The following ANXA10 variants were observed in gnomAD, a reference collection of about 807,000 sequenced individuals.
ANXA10 encodes annexin A10, also known as annexin 14.
A neutral mutation model predicts 53.5 loss-of-function variants in ANXA10; 49 were observed. The ratio of observed to expected loss-of-function variants is 0.92; its 90% CI spans 0.73 to 1.16. ANXA10 has a LOEUF of 1.16. ANXA10 is among the 50% of genes most tolerant of loss of function. The pLI is 0.00. For missense variants in ANXA10, 393 were observed against 394.4 expected (o/e 1.00, Z 0.03); for synonymous variants, 131 against 128.9 (o/e 1.02, Z -0.11).
At chr4:168,133,114 T>A (rs1423012257) in intron 2 of ANXA10, among the ~76,000 whole-genome samples, 2 of 152,084 alleles carry the variant, frequency 1.3e-5, no homozygotes, top group Admixed American at 6.6e-5. Context: ...CAATTTTGCA[T>A]TTTTATGCTT....
chr4:168,156,191 T>TATATATATATA (rs1321738757), intron 3 of ANXA10, among the ~76,000 whole-genome samples: 33 of 28,914 alleles, frequency 1.1e-3, no homozygotes, highest in African/African-American at 4.9e-3. Flanking sequence ...TATTATATAT[T>TATATATATATA]ATATATAATA....
chr4:168,141,403 C>A (rs966833546), intron 3 of ANXA10, among the ~76,000 whole-genome samples: 1 of 152,186 alleles, frequency 6.6e-6, no homozygotes, highest in African/African-American at 2.4e-5. Context: ...TGCTGAAATT[C>A]CTAAATGGTC....
At chr4:168,132,487 G>T (rs924515582) in intron 2 of ANXA10, among the ~76,000 whole-genome samples, 1 of 152,068 alleles carries the variant, frequency 6.6e-6, no homozygotes, top group African/African-American at 2.4e-5. Flanking sequence ...GAAGGGTAGC[G>T]GAGGGCTGCT....
intron 2 of ANXA10, among the ~76,000 whole-genome samples, chr4:168,136,951 C>CGT (rs1414262506): frequency 6.6e-6 from 1 of 152,226 alleles, no homozygotes; most frequent in Non-Finnish European, 1.5e-5. Context: ...AACCTCAACT[C>CGT]TTGCTGTCCA....
chr4:168,186,542 C>G (rs1732374054), intron 11 of ANXA10, among the ~76,000 whole-genome samples: 1 of 152,136 alleles, frequency 6.6e-6, no homozygotes, highest in African/African-American at 2.4e-5. Context: ...GCCATGTGAG[C>G]TTAGAATGAG....
intron 3 of ANXA10, among the ~76,000 whole-genome samples, chr4:168,155,270 C>T (rs1046201308): frequency 7.2e-6 from 1 of 138,820 alleles, no homozygotes; most frequent in Non-Finnish European, 1.5e-5. Flanking sequence ...AGTTTCAAAG[C>T]CTTGCCCTTA....
At position 168,139,540 on chromosome 4, in the gene ANXA10, G is replaced by A. The variant is rs139179329; in HGVS notation, c.155G>A (p.Arg52Lys). ...NILTQRCNAQ[R>K]MMIAEAYQSM... is the part of the protein sequence containing the mutation. Reference sequence around the variant, plus strand: ...CTGACTCAGCGCTGCAATGCACAAAGGATGATGATTGCAGAGGCATACCAG... The same window carrying A: ...CTGACTCAGCGCTGCAATGCACAAAAGATGATGATTGCAGAGGCATACCAG... Residue 52 changes from arginine to lysine, a missense_variant, in exon 3 of 12, where the codon AGG becomes AAG. Coordinates refer to ENST00000359299, the MANE Select transcript of ANXA10 (RefSeq NM_007193.5). 2 of 1,613,058 alleles carry A rather than the reference G, an allele frequency of 1.2e-6. No individual in the cohort carries two copies. Among genetic ancestry groups the A allele is most frequent in the Non-Finnish European group, 1.7e-6 (2 of 1,179,216 alleles).
chr4:168,135,963 C>T (rs370455244), intron 2 of ANXA10, among the ~76,000 whole-genome samples: 2 of 152,212 alleles, frequency 1.3e-5, no homozygotes, highest in African/African-American at 4.8e-5. Context: ...CTGGGGAGAC[C>T]TCAGGAAACT....
At chr4:168,163,587 TGATTA>T (rs1229443982) in intron 4 of ANXA10, among the ~76,000 whole-genome samples, 1 of 152,226 alleles carries the variant, frequency 6.6e-6, no homozygotes, top group Non-Finnish European at 1.5e-5. Flanking sequence ...GTTGCTGTTT[TGATTA>T]AACAAGTGTG....
At chr4:168,167,560 G>C (rs1344126913) in intron 6 of ANXA10, among the ~76,000 whole-genome samples, 3 of 152,144 alleles carry the variant, frequency 2.0e-5, no homozygotes, top group Admixed American at 2.0e-4. Context: ...TTTCATAGCA[G>C]CTCAACTTTG....
chr4:168,150,105 G>A (rs574114064), intron 3 of ANXA10, among the ~76,000 whole-genome samples: 1 of 151,984 alleles, frequency 6.6e-6, no homozygotes, highest in Non-Finnish European at 1.5e-5. Context: ...TTATCTTCTG[G>A]TTTTCATTTT....
In ANXA10 at chr4:168,165,294, C is replaced by A. The variant is rs1427585004; in HGVS notation, c.448C>A (p.His150Asn). 1 of 1,590,806 alleles carries A rather than the reference C, an allele frequency of 6.3e-7. No homozygotes were observed. The highest frequency in any genetic ancestry group is 8.6e-7 in the Non-Finnish European group (1 of 1,165,672). Residue 150 changes from histidine to asparagine, a missense_variant, in exon 6 of 12, where the codon CAC becomes AAC. Transcript: ENST00000359299. ...GGACATTTATTCAGAGACCTCAGGA[C>A]ACTTCAGAGATACTCTCATGAACTT... ...QEDIYSETSG[H>N]FRDTLMNLVQ... is the part of the protein sequence containing the mutation.
Position 168,162,596 on chromosome 4 carries a change from CCCA to C in ANXA10, c.272_274del (p.Pro91del). ...AAGATGTGATGGCTGGCCTCATGTA[CCCA>C]CCACCACTGTATGATGCTCATGAGC... On this transcript the variant is annotated inframe_deletion, in exon 4 of 12. Coordinates refer to ENST00000359299, the MANE Select transcript of ANXA10 (RefSeq NM_007193.5). The C allele has an allele frequency of 2.5e-6, 4 of 1,613,930 alleles. No homozygotes were observed. Among genetic ancestry groups the C allele is most frequent in the Middle Eastern group, 1.6e-4 (1 of 6,062 alleles).
chr4:168,177,948 T>C lies in ANXA10; in HGVS notation c.593T>C (p.Ile198Thr). Residue 198 changes from isoleucine to threonine, a missense_variant, in exon 8 of 12, where the codon ATC (isoleucine) becomes ACC (threonine). Physicochemically the swap from Ile to Thr is moderately conservative, Grantham distance 89. Coordinates refer to ENST00000359299, the MANE Select transcript of ANXA10 (RefSeq NM_007193.5). ...GAGCACAAAACCATGCTGCAAATGA[T>C]CCTGTGCAACAAGAGCTACCAGCAG... ...TGEHKTMLQM[I>T]LCNKSYQQLR... The C allele has an allele frequency of 6.2e-7, 1 of 1,613,860 alleles. No homozygotes were observed. The highest frequency in any genetic ancestry group is 8.5e-7 in the Non-Finnish European group (1 of 1,180,008).
chr4:168,165,380 T>C (rs1484338892), intron 6 of ANXA10, 54 bp downstream of exon 6: 1 of 894,944 alleles, frequency 1.1e-6, no homozygotes. Context: ...AATAAGTATA[T>C]GTCATTGCCA....
rs115676141 is a variant in ANXA10, at chr4:168,137,270, T to C, written c.101-2216T>C. On this transcript the variant is annotated intron_variant, in intron 2 of 11. Coordinates refer to ENST00000359299, the MANE Select transcript of ANXA10 (RefSeq NM_007193.5). ...TCCCCTGTACTTTTGATTGGATTTT[T>C]ATTTTCCTTTCAATATTTTTTTACA... Among the ~76,000 whole-genome samples, 1,207 of 152,362 alleles carry C rather than the reference T, an allele frequency of 7.9e-3. 14 individuals carry two copies. Among genetic ancestry groups the C allele is most frequent in the African/African-American group, 0.027 (1,118 of 41,576 alleles).
intron 1 of ANXA10, among the ~76,000 whole-genome samples, chr4:168,111,378 T>C (rs1032736635): frequency 2.6e-5 from 4 of 152,174 alleles, no homozygotes; most frequent in Non-Finnish European, 4.4e-5. Flanking sequence ...TACTAGGCCT[T>C]TTAACCACTT....
At chr4:168,167,061 T>C (rs571998378) in intron 6 of ANXA10, among the ~76,000 whole-genome samples, 3 of 152,274 alleles carry the variant, frequency 2.0e-5, no homozygotes, top group African/African-American at 7.2e-5. Context: ...CATCCTTTTC[T>C]CTGAACCCCT....
chr4:168,158,760 G>A (rs1731731781), intron 3 of ANXA10, among the ~76,000 whole-genome samples: 1 of 152,076 alleles, frequency 6.6e-6, no homozygotes, highest in African/African-American at 2.4e-5. Flanking sequence ...ATGATTATGT[G>A]CTAAATATTC....
Sources: allele counts gnomAD v4.1 joint callset (sites outside exome capture counted in the v4.1 genomes callset), GRCh38; gene constraint gnomAD v4.1.1; transcripts MANE v1.5; gene names NCBI Gene and HGNC (gene_info 2026-07-23, HGNC 2026-07-21).